The following ISLR2 variants were observed in gnomAD, a reference collection of about 807,000 sequenced individuals.
ISLR2 encodes immunoglobulin superfamily containing leucine rich repeat 2.
Under a neutral mutation model 25.5 loss-of-function variants are expected in ISLR2, and 16 were observed. The observed-to-expected ratio is 0.63, with a 90% confidence interval of 0.43 to 0.95. The LOEUF is 0.95. Ranked by LOEUF, ISLR2 falls within the 40% of genes least tolerant of loss-of-function variation. The pLI, the probability that ISLR2 is intolerant of heterozygous loss-of-function variation, is 0.00. For missense variants in ISLR2, 883 were observed against 1,030.7 expected (o/e 0.86, Z 1.96); for synonymous variants, 508 against 486.6 (o/e 1.04, Z -0.58).
chr15:74,133,746 G>A lies in ISLR2; in HGVS notation c.992G>A (p.Arg331His). The A allele has an allele frequency of 1.2e-6, 2 of 1,612,894 alleles. No individual in the cohort carries two copies. The highest frequency in any genetic ancestry group is 1.7e-6 in the Non-Finnish European group (2 of 1,179,528). The part of the protein sequence containing the change: ...PAWPAPPATP[R>H]FLALANGSLL... ...TGGCCGGCGCCCCCAGCCACACCGC[G>A]CTTCCTGGCCCTCGCAAATGGCTCC... is the stretch of plus-strand genomic sequence containing the variant. Residue 331 changes from arginine to histidine, a missense_variant, in exon 3 of 3, where the codon CGC becomes CAC. This residue lies in a region of ISLR2 where 612 missense variants were observed against 642.8 expected (regional missense o/e 0.95). Coordinates refer to ENST00000453268, the MANE Select transcript of ISLR2 (RefSeq NM_020851.3).
chr15:74,133,022 G>C lies in ISLR2; in HGVS notation c.268G>C (p.Val90Leu). The stretch of plus-strand genomic sequence containing the variant: ...GCTGGCGCACAATGAGGTGCGCACC[G>C]TGGAGCCAGGCGCACTGGCCGTGCT... ...LWLAHNEVRT[V>L]EPGALAVLSQ... Residue 90 changes from valine to leucine, a missense_variant, in exon 3 of 3, where the codon GTG (valine) becomes CTG (leucine). This residue lies in a region of ISLR2 where 271 missense variants were observed against 387.9 expected (regional missense o/e 0.70). Transcript: ENST00000453268. The C allele has an allele frequency of 6.2e-7, 1 of 1,613,148 alleles. No individual in the cohort carries two copies. Among genetic ancestry groups the C allele is most frequent in the Non-Finnish European group, 8.5e-7 (1 of 1,179,938 alleles).
At chr15:74,112,967 A>G (rs1567154584) in intron 2 of ISLR2, among the ~76,000 whole-genome samples, 1 of 151,916 alleles carries the variant, frequency 6.6e-6, no homozygotes, top group Non-Finnish European at 1.5e-5. Context: ...AGCTGGGACC[A>G]CAGGCACATG....
chr15:74,119,468 G>T (rs1413173022), intron 2 of ISLR2, among the ~76,000 whole-genome samples: 1 of 152,044 alleles, frequency 6.6e-6, no homozygotes, highest in East Asian at 1.9e-4. Flanking sequence ...AAACTGCTAG[G>T]ATTACGGGTG....
chr15:74,128,220 C>T, upstream of ISLR2: 1 of 321,272 alleles, frequency 3.1e-6, no homozygotes, highest in Non-Finnish European at 5.9e-6. Context: ...GCGGCTCCCA[C>T]CCCAGGCCTC....
chr15:74,108,880 G>A (rs2072143531), intron 2 of ISLR2, among the ~76,000 whole-genome samples: 1 of 152,138 alleles, frequency 6.6e-6, no homozygotes, highest in African/African-American at 2.4e-5. Flanking sequence ...ACAGGGTGAG[G>A]GTATCCAGAC....
upstream of ISLR2, chr15:74,128,361 A>G: frequency 2.3e-6 from 1 of 433,560 alleles, no homozygotes; most frequent in South Asian, 1.6e-5. Context: ...CATTTGCTGT[A>G]GAGTGAGCTA....
downstream of ISLR2, among the ~76,000 whole-genome samples, chr15:74,140,206 G>A (rs1324544681): frequency 5.3e-5 from 8 of 152,256 alleles, no homozygotes; most frequent in East Asian, 1.5e-3. Context: ...GAAGCAGCTG[G>A]GGTAGGGTCC....
upstream of ISLR2, chr15:74,129,451 T>C (rs2072356651): frequency 5.4e-6 from 1 of 186,432 alleles, no homozygotes. This position sits in a 1 kb window ranked among gnomAD's most constrained non-coding sequence, Gnocchi z 4.5. Flanking sequence ...GGGTGATGGC[T>C]GTGGGGCTTG....
At chr15:74,108,883 A>G (rs2072143615) in intron 2 of ISLR2, among the ~76,000 whole-genome samples, 1 of 152,158 alleles carries the variant, frequency 6.6e-6, no homozygotes, top group Non-Finnish European at 1.5e-5. Flanking sequence ...GGGTGAGGGT[A>G]TCCAGACAGA....
downstream of ISLR2, among the ~76,000 whole-genome samples, chr15:74,139,403 A>G (rs931020092): frequency 2.0e-5 from 3 of 152,252 alleles, no homozygotes; most frequent in African/African-American, 7.2e-5. Flanking sequence ...ATTACATTAA[A>G]ATAAAATGTC....
At chr15:74,114,184 G>A (rs541283328) in intron 2 of ISLR2, among the ~76,000 whole-genome samples, 4 of 152,158 alleles carry the variant, frequency 2.6e-5, no homozygotes, top group Non-Finnish European at 5.9e-5. Context: ...GATTGTACCT[G>A]GAACTGCCTA....
chr15:74,109,516 A>G (rs949075962), intron 2 of ISLR2, among the ~76,000 whole-genome samples: 19 of 152,232 alleles, frequency 1.2e-4, no homozygotes, highest in Non-Finnish European at 2.2e-4. Context: ...CCTGCCCAAA[A>G]GTGTGCTGTG....
chr15:74,122,595 G>A (rs182823250), intron 2 of ISLR2, among the ~76,000 whole-genome samples: 19 of 152,276 alleles, frequency 1.2e-4, no homozygotes, highest in African/African-American at 4.6e-4. Flanking sequence ...TCTCTCTTCT[G>A]GTTGTTTTTC....
rs1437655317 is a variant in ISLR2, at chr15:74,135,613, T to A, written c.*621T>A. The A allele has an allele frequency of 6.5e-6, 1 of 154,054 alleles. No individual in the cohort carries two copies. Among genetic ancestry groups the A allele is most frequent in the Non-Finnish European group, 1.5e-5 (1 of 68,174 alleles). 9.5% of individuals were successfully genotyped at this position (154,054 alleles called of 1,614,324 possible). On this transcript the variant is annotated 3_prime_UTR_variant, in exon 3 of 3. Coordinates refer to ENST00000453268, the MANE Select transcript of ISLR2 (RefSeq NM_020851.3). ...GCCTCCCGGGTTCAAGCGATTCTCC[T>A]GCCTCAGCCTGCCTAGTAGCTGGGA...
At chr15:74,100,431 G>A (rs1241762320) in exon 1 of ISLR2, 2 of 774,752 alleles carry the variant, frequency 2.6e-6, no homozygotes, top group Non-Finnish European at 3.4e-6. Context: ...GCCAACCGCC[G>A]GTTTAACTGA....
At chr15:74,130,249 A>T (rs1366906702), upstream of ISLR2, 1 of 151,806 alleles carries the variant, frequency 6.6e-6, no homozygotes, top group East Asian at 1.9e-4. Flanking sequence ...ACTAGGGCTT[A>T]TATCAGCCCA....
upstream of ISLR2, chr15:74,130,563 G>T (rs1161828293): frequency 2.0e-5 from 3 of 152,646 alleles, no homozygotes; most frequent in African/African-American, 2.4e-5. Context: ...GGGCGTAAAA[G>T]CGGCTTGCAT....
upstream of ISLR2, chr15:74,128,417 C>A (rs1199819747): frequency 2.2e-6 from 1 of 455,308 alleles, no homozygotes; most frequent in Non-Finnish European, 4.4e-6. Context: ...GGGGTGGTCA[C>A]CGCGTCCTTA....
chr15:74,120,638 G>T (rs1191651353), intron 2 of ISLR2, among the ~76,000 whole-genome samples: 1 of 151,770 alleles, frequency 6.6e-6, no homozygotes, highest in East Asian at 1.9e-4. Context: ...ACAGGGAGCT[G>T]TGTGTGTGTG....
Sources: gnomAD v4.1 joint callset for allele counts (sites outside exome capture counted in the v4.1 genomes callset) on GRCh38, gnomAD v4.1.1 for gene constraint, gnomAD v4.1.1 regional missense constraint, Gnocchi (gnomAD v3.1) non-coding constraint, MANE v1.5 for transcripts, NCBI Gene and HGNC (gene_info 2026-07-23, HGNC 2026-07-21) for gene names.